Variants in RTTN observed in about 807,000 individuals in gnomAD.
RTTN encodes the protein rotatin.
A neutral mutation model predicts 269.2 loss-of-function variants in RTTN; 182 were observed. The observed-to-expected ratio is 0.68, with a 90% CI of 0.60 to 0.76. The LOEUF (loss-of-function observed/expected upper bound fraction) is 0.76. Among genes scored for constraint, RTTN ranks in the 30% least tolerant of loss-of-function variants. RTTN has a pLI of 0.00. For synonymous variants in RTTN, 1,006 were observed against 963.5 expected (o/e 1.04, Z -0.82); for missense variants, 2,545 against 2,608.6 (o/e 0.98, Z 0.53).
chr18:70,150,755 T>C (rs1440719394), intron 14 of RTTN, 22 bp from the exon 15 acceptor site: 3 of 1,520,184 alleles, frequency 2.0e-6, no homozygotes, highest in East Asian at 2.3e-5. Flanking sequence ...TATTAAAAAG[T>C]ATTTTTAAAT....
chr18:70,087,871 CAG>C (rs1260255667), intron 31 of RTTN, 116 bp downstream of exon 31: 3 of 1,053,574 alleles, frequency 2.8e-6, no homozygotes, highest in African/African-American at 3.2e-5. Context: ...TGGGTGTTCA[CAG>C]ACAGAAGAGA....
At chr18:70,100,913 C>T (rs1463834379) in intron 28 of RTTN, among the ~76,000 whole-genome samples, 1 of 152,112 alleles carries the variant, frequency 6.6e-6, no homozygotes, top group East Asian at 1.9e-4. Context: ...AGCCTTGCAT[C>T]CCAGGGATGA....
chr18:70,196,652 A>T lies in RTTN; in HGVS notation c.694-4T>A. On this transcript the variant is annotated splice_polypyrimidine_tract_variant and splice_region_variant and intron_variant, in intron 6 of 48. Coordinates refer to ENST00000640769, the MANE Select transcript of RTTN (RefSeq NM_173630.4). ...GTTTCAACAGAGATAAAAGGCTCTG[A>T]AATCAAGAAGAGCCGTGAAAATTAC... 1 of 1,607,200 alleles carries T rather than the reference A, an allele frequency of 6.2e-7. No individual in the cohort carries two copies.
chr18:70,095,727 T>C (rs1484689880), intron 28 of RTTN, among the ~76,000 whole-genome samples: 2 of 152,122 alleles, frequency 1.3e-5, no homozygotes, highest in Non-Finnish European at 2.9e-5. Context: ...GCCCTTAATA[T>C]ATTTTCCTTC....
rs35439940 is a variant in RTTN at position 70,051,415 on chromosome 18, C to A, written c.5319G>T (p.Ala1773=). The change falls in exon 39 of 49, where the codon GCG becomes GCT. Residue 1773 remains alanine, a synonymous_variant. Transcript: ENST00000640769. ...TVALAKHWTA[A]IDMFCTCAGL... The stretch of plus-strand genomic sequence containing the variant: ...ATTATGCAAGTATCTTCTTACCAAT[C>A]GCCGCTGTCCAGTGCTTGGCCAGGG... The A allele has an allele frequency of 4.4e-6, 7 of 1,600,682 alleles. No homozygotes were observed. The highest frequency in any genetic ancestry group is 1.3e-5 in the African/African-American group (1 of 74,160).
intron 35 of RTTN, among the ~76,000 whole-genome samples, chr18:70,062,279 T>C (rs922593692): frequency 1.3e-5 from 2 of 152,198 alleles, no homozygotes; most frequent in Admixed American, 6.5e-5. Context: ...CATACATGGT[T>C]ATAAAAGTCA....
At chr18:70,195,154 C>A (rs1174985248) in intron 7 of RTTN, among the ~76,000 whole-genome samples, 1 of 152,208 alleles carries the variant, frequency 6.6e-6, no homozygotes, top group African/African-American at 2.4e-5. Flanking sequence ...TTCTGCCCAG[C>A]TCACTGCAGT....
intron 14 of RTTN, among the ~76,000 whole-genome samples, chr18:70,162,769 T>C (rs981353288): frequency 1.3e-5 from 2 of 151,420 alleles, no homozygotes; most frequent in African/African-American, 4.9e-5. Flanking sequence ...AAACTACCTA[T>C]TGGGTACTAT....
chr18:70,187,992 T>C (rs1331489130), intron 10 of RTTN, 116 bp downstream of exon 10: 6 of 643,026 alleles, frequency 9.3e-6, no homozygotes, highest in South Asian at 7.9e-5. Context: ...CTGGGACATA[T>C]TGAGTCAAAA....
chr18:70,199,223 T>C (rs572222338), intron 5 of RTTN, among the ~76,000 whole-genome samples, 191 bp downstream of exon 5: 1 of 152,144 alleles, frequency 6.6e-6, no homozygotes, highest in African/African-American at 2.4e-5. Flanking sequence ...AAACTTGATG[T>C]GTAGATTGAT....
At chr18:70,075,113 G>C in intron 33 of RTTN, 1 of 312,428 alleles carries the variant, frequency 3.2e-6, no homozygotes, top group Non-Finnish European at 5.7e-6. Flanking sequence ...AGAATATTTA[G>C]TGAAAGAAGG....
At chr18:70,065,355 T>C (rs2058105091) in intron 35 of RTTN, among the ~76,000 whole-genome samples, 1 of 151,248 alleles carries the variant, frequency 6.6e-6, no homozygotes, top group East Asian at 1.9e-4. Context: ...AAAATTTATA[T>C]ATTGCCATTA....
chr18:70,032,167 G>A (rs2057033434), intron 40 of RTTN, among the ~76,000 whole-genome samples: 1 of 152,188 alleles, frequency 6.6e-6, no homozygotes, highest in African/African-American at 2.4e-5. Context: ...TATCCCTAGG[G>A]GAACTGTGGG....
intron 46 of RTTN, chr18:70,006,710 G>A: frequency 2.4e-6 from 1 of 420,488 alleles, no homozygotes; most frequent in Non-Finnish European, 4.3e-6. Flanking sequence ...CACTGAAGCT[G>A]CTTCATTTTT....
intron 11 of RTTN, among the ~76,000 whole-genome samples, chr18:70,173,673 A>C (rs1463809701): frequency 6.6e-6 from 1 of 152,162 alleles, no homozygotes; most frequent in Admixed American, 6.5e-5. Context: ...TTTGGTAATA[A>C]GTACACCACG....
At chr18:70,121,745 A>G in intron 25 of RTTN, 45 bp from the exon 26 acceptor site, 2 of 1,467,448 alleles carry the variant, frequency 1.4e-6, no homozygotes, top group Middle Eastern at 1.8e-4. Context: ...GCTTTAAAAT[A>G]CACAATACCA....
chr18:70,101,406 T>C (rs1283303443), intron 28 of RTTN, among the ~76,000 whole-genome samples: 2 of 152,250 alleles, frequency 1.3e-5, no homozygotes, highest in Admixed American at 1.3e-4. Context: ...TGTATTTCTG[T>C]GGGATCGGTG....
At chr18:70,027,699 A>G (rs1440126235) in intron 43 of RTTN, among the ~76,000 whole-genome samples, 1 of 152,242 alleles carries the variant, frequency 6.6e-6, no homozygotes, top group Non-Finnish European at 1.5e-5. Context: ...AGCATGAAGG[A>G]ATCATTAAGT....
chr18:70,113,446 G>A (rs2059526235), intron 27 of RTTN, among the ~76,000 whole-genome samples: 1 of 152,150 alleles, frequency 6.6e-6, no homozygotes, highest in African/African-American at 2.4e-5. Context: ...AATGTAAAAT[G>A]GTATAGCTGC....
Sources: gnomAD v4.1 joint callset for allele counts (sites outside exome capture counted in the v4.1 genomes callset) on GRCh38, gnomAD v4.1.1 for gene constraint, MANE v1.5 for transcripts, NCBI Gene and HGNC (gene_info 2026-07-23, HGNC 2026-07-21) for gene names.